MMP15: variants seen among roughly 807,000 people sequenced by gnomAD.
The protein encoded by MMP15 is matrix metallopeptidase 15.
A neutral mutation model predicts 65.0 loss-of-function variants in MMP15; 36 were observed. That is an observed-to-expected ratio of 0.55 (90% confidence interval 0.42 to 0.73). The LOEUF (loss-of-function observed/expected upper bound fraction) is 0.73. Ranked by LOEUF, MMP15 falls within the 30% of genes least tolerant of loss-of-function variation. The pLI, the probability that MMP15 is intolerant of heterozygous loss-of-function variation, is 0.00. For missense variants in MMP15, 870 were observed against 987.8 expected, an observed-to-expected ratio of 0.88 and a Z score of 1.60; for synonymous variants, 428 against 410.2, an observed-to-expected ratio of 1.04 and a Z score of -0.52.
intron 2 of MMP15, among the ~76,000 whole-genome samples, chr16:58,037,943 C>CTA (rs1959370119): frequency 6.6e-6 from 1 of 152,190 alleles, no homozygotes; most frequent in East Asian, 1.9e-4. Context: ...ATGAATCTAA[C>CTA]AAGTGACATG....
At chr16:58,030,433 A>T (rs998324315) in intron 1 of MMP15, among the ~76,000 whole-genome samples, 1 of 152,196 alleles carries the variant, frequency 6.6e-6, no homozygotes, top group Non-Finnish European at 1.5e-5. Context: ...GCAAAGAGGG[A>T]TGCCTCTTCC....
At chr16:58,038,547 G>A (rs769861928) in intron 3 of MMP15, among the ~76,000 whole-genome samples, 153 bp downstream of exon 3, 17 of 152,132 alleles carry the variant, frequency 1.1e-4, no homozygotes, top group Non-Finnish European at 2.4e-4. Context: ...AGTCTCCCTC[G>A]AGGGAAGGTC....
chr16:58,043,862 C>T (rs1488203851), intron 9 of MMP15, among the ~76,000 whole-genome samples: 1 of 152,226 alleles, frequency 6.6e-6, no homozygotes, highest in African/African-American at 2.4e-5. Context: ...GAGCAGAGTG[C>T]CCCAAATTCC....
intron 1 of MMP15, among the ~76,000 whole-genome samples, chr16:58,032,211 G>A (rs1013959995): frequency 2.6e-5 from 4 of 152,180 alleles, no homozygotes; most frequent in Non-Finnish European, 2.9e-5. Flanking sequence ...CGCCATCGGC[G>A]CTCTCAACGC....
At chr16:58,037,995 G>A (rs976294255) in intron 2 of MMP15, among the ~76,000 whole-genome samples, 1 of 152,208 alleles carries the variant, frequency 6.6e-6, no homozygotes, top group East Asian at 1.9e-4. Flanking sequence ...AGAGCATAAC[G>A]TATCCAGGAC....
At chr16:58,032,276 A>T (rs1330916669) in intron 1 of MMP15, among the ~76,000 whole-genome samples, 2 of 152,178 alleles carry the variant, frequency 1.3e-5, no homozygotes, top group Non-Finnish European at 2.9e-5. Context: ...GAGGGAACTA[A>T]GGCTCAGAAA....
intron 9 of MMP15, 48 bp from the exon 10 acceptor site, chr16:58,044,959 G>A: frequency 1.2e-6 from 2 of 1,601,756 alleles, no homozygotes; most frequent in Non-Finnish European, 1.7e-6. Flanking sequence ...GGTTCTCACT[G>A]GTGGTTCGGC....
At chr16:58,040,319 C>T in intron 4 of MMP15, 137 bp downstream of exon 4, 2 of 1,047,618 alleles carry the variant, frequency 1.9e-6, no homozygotes, top group South Asian at 1.6e-5. Context: ...TCACTACACT[C>T]AATTTCAGTC....
intron 5 of MMP15, among the ~76,000 whole-genome samples, 184 bp from the exon 6 acceptor site, chr16:58,041,433 G>A (rs954241117): frequency 1.3e-5 from 2 of 151,544 alleles, no homozygotes; most frequent in African/African-American, 4.8e-5. Flanking sequence ...TGGGGAGATC[G>A]AGGAGGGGCT....
intron 6 of MMP15, 103 bp from the exon 7 acceptor site, chr16:58,042,128 C>G: frequency 2.8e-6 from 4 of 1,432,712 alleles, no homozygotes; most frequent in Non-Finnish European, 2.8e-6. Flanking sequence ...CAGTGTCCTC[C>G]CCTTGGGCCC....
rs1187608944 is a variant in MMP15 at position 58,040,705 on chromosome 16, G to A, written c.910+7G>A. On this transcript the variant is annotated splice_region_variant and intron_variant, in intron 5 of 9. Transcript: ENST00000219271. The stretch of plus-strand genomic sequence containing the variant: ...GGCATCCAGCAGCTCTACGGTGCGT[G>A]GGCTGTGACCAGCGGGCTCTGCATG... The A allele has an allele frequency of 6.2e-7, 1 of 1,613,882 alleles. No individual in the cohort carries two copies. Among genetic ancestry groups the A allele is most frequent in the African/African-American group, 1.3e-5 (1 of 74,940 alleles).
intron 5 of MMP15, 91 bp from the exon 6 acceptor site, chr16:58,041,526 T>A: frequency 2.8e-6 from 4 of 1,404,806 alleles, no homozygotes; most frequent in Non-Finnish European, 3.9e-6. Flanking sequence ...GATTTTACTT[T>A]CCGCGTGGGT....
At position 58,045,227 on chromosome 16, in the gene MMP15, G is replaced by A. The variant is rs1325520287; in HGVS notation, c.1791G>A (p.Gly597=). ...GCGCAGAGGGCGACGTGGGGGATGG[G>A]GATGGGGACTTTGGGGCCGGGGTCA... ...ADSAEGDVGD[G]DGDFGAGVNK... is the part of the protein sequence containing the mutation. The change falls in exon 10 of 10, where the codon GGG becomes GGA. Residue 597 remains glycine, a synonymous_variant. Coordinates refer to ENST00000219271, the MANE Select transcript of MMP15 (RefSeq NM_002428.4). 4 of 1,601,376 alleles carry A rather than the reference G, an allele frequency of 2.5e-6. No individual in the cohort carries two copies. In the Admixed American group the frequency reaches 6.9e-5, roughly 28 times the overall value.
intron 7 of MMP15, among the ~76,000 whole-genome samples, chr16:58,042,737 G>T (rs910745076): frequency 6.6e-6 from 1 of 152,220 alleles, no homozygotes; most frequent in African/African-American, 2.4e-5. Context: ...GTCTTGCAGG[G>T]CAGCGCCCCG....
In MMP15 at chr16:58,045,071, G is replaced by A; in HGVS notation, c.1635G>A (p.Glu545=). The A allele has an allele frequency of 1.2e-6, 2 of 1,613,220 alleles. No homozygotes were observed. Among genetic ancestry groups the A allele is most frequent in the Non-Finnish European group, 1.7e-6 (2 of 1,179,902 alleles). Residue 545 remains glutamate (E), a synonymous_variant, in exon 10 of 10, where the codon GAG becomes GAA. Transcript: ENST00000219271. The part of the protein sequence containing the change: ...WKFDNERLRM[E]PGYPKSILRD... ...TCGACAATGAGCGCCTGCGGATGGAGCCCGGCTACCCCAAGTCCATCCTGC... is the reference window on the plus strand; with the variant it reads ...TCGACAATGAGCGCCTGCGGATGGAACCCGGCTACCCCAAGTCCATCCTGC...
chr16:58,043,689 G>A, intron 9 of MMP15, 62 bp downstream of exon 9: 2 of 1,273,592 alleles, frequency 1.6e-6, no homozygotes, highest in South Asian at 1.4e-5. Context: ...ACACACCACA[G>A]GGCAGGGCTT....
chr16:58,027,675 C>T (rs916636002), intron 1 of MMP15, among the ~76,000 whole-genome samples: 2 of 152,178 alleles, frequency 1.3e-5, no homozygotes, highest in African/African-American at 4.8e-5. Context: ...CTTGCCCTTC[C>T]CCGCCCTACT....
At chr16:58,036,302 C>T (rs1020586216) in intron 1 of MMP15, among the ~76,000 whole-genome samples, 2 of 152,212 alleles carry the variant, frequency 1.3e-5, no homozygotes, top group African/African-American at 4.8e-5. Flanking sequence ...CTCTCTACCA[C>T]AGCTCGGCCT....
At chr16:58,030,196 C>G (rs1963875332) in intron 1 of MMP15, among the ~76,000 whole-genome samples, 1 of 152,192 alleles carries the variant, frequency 6.6e-6, no homozygotes, top group Non-Finnish European at 1.5e-5. Flanking sequence ...GTTGTGGACT[C>G]TGCCCTTATC....
Sources: allele counts gnomAD v4.1 joint callset (sites outside exome capture counted in the v4.1 genomes callset), GRCh38; gene constraint gnomAD v4.1.1; transcripts MANE v1.5; gene names NCBI Gene and HGNC (gene_info 2026-07-23, HGNC 2026-07-21).